The following ECD variants were observed in gnomAD, a reference collection of about 807,000 sequenced individuals.
The protein encoded by ECD is ecdysoneless cell cycle regulator.
ECD carries 59 observed loss-of-function variants against 77.2 expected under a neutral mutation model. That is an observed-to-expected ratio of 0.76 (90% CI 0.62 to 0.95). The LOEUF is 0.95. Among genes scored for constraint, ECD ranks in the 40% least tolerant of loss-of-function variants. The pLI, the probability that ECD is intolerant of heterozygous loss-of-function variation, is 0.00. For missense variants in ECD, 704 were observed against 763.4 expected (o/e 0.92, Z 0.92); for synonymous variants, 233 against 267.4 (o/e 0.87, Z 1.26).
At chr10:73,160,678 C>T (rs12260139) in intron 2 of ECD, 127 bp from the exon 3 acceptor site, 68,466 of 613,090 alleles carry the variant, frequency 0.11, 6,718 homozygotes, top group African/African-American at 0.34. Context: ...GCAGGGGTTG[C>T]AATCCTGAAG....
chr10:73,134,304 T>C lies in ECD; in HGVS notation c.*279A>G, dbSNP rs998761065. The C allele has an allele frequency of 6.0e-6, 2 of 335,278 alleles. No homozygotes were observed. Among genetic ancestry groups the C allele is most frequent in the African/African-American group, 4.1e-5 (2 of 48,242 alleles). 20.8% of individuals were successfully genotyped at this position (335,278 alleles called of 1,614,324 possible). A position where few individuals can be genotyped will look rare whatever the true frequency, so the allele number is the denominator to read the frequency against. On this transcript the variant is annotated 3_prime_UTR_variant, in exon 14 of 14. Transcript: ENST00000372979. The stretch of plus-strand genomic sequence containing the variant: ...ATTTAGAATTACTCCAAGGGTATAT[T>C]GTGGTAGGGTATGTCTTTAGCATGA...
chr10:73,160,102 C>T (rs1843355330), intron 3 of ECD, among the ~76,000 whole-genome samples: 1 of 151,412 alleles, frequency 6.6e-6, no homozygotes, highest in Non-Finnish European at 1.5e-5. Context: ...GCCTAGCCAA[C>T]ATGGTGAACC....
chr10:73,134,810 G>T lies in ECD; in HGVS notation c.1708C>A (p.Pro570Thr), dbSNP rs1196753331. Reference sequence around the variant, plus strand: ...TTGTTATCGGTAGTCTGGGATACAGGTTCCTTATTCATAGAGGGAAAAGAA... The same window carrying T: ...TTGTTATCGGTAGTCTGGGATACAGTTTCCTTATTCATAGAGGGAAAAGAA... ...KSFTTRNQVE[P>T]VSQTTDNNSD... Residue 570 changes from proline to threonine, a missense_variant, in exon 14 of 14, where the codon CCT becomes ACT. Pro to Thr is a conservative substitution (Grantham distance 38). Coordinates refer to ENST00000372979, the MANE Select transcript of ECD (RefSeq NM_007265.3). 1.2e-6 allele frequency: 2 copies of T among 1,613,712 alleles called. No individual in the cohort carries two copies. Among genetic ancestry groups the T allele is most frequent in the East Asian group, 2.2e-5 (1 of 44,856 alleles).
intron 11 of ECD, among the ~76,000 whole-genome samples, chr10:73,138,551 C>T (rs1189740280): frequency 6.6e-6 from 1 of 151,910 alleles, no homozygotes; most frequent in Non-Finnish European, 1.5e-5. Flanking sequence ...ATTTGATACA[C>T]AAGTAACAGT....
Position 73,134,673 on chromosome 10 carries a change from T to C in ECD, c.1845A>G (p.Ala615=), listed in dbSNP as rs1217724762. The change falls in exon 14 of 14, where the codon GCA becomes GCG. Residue 615 remains alanine (A), a synonymous_variant. Coordinates refer to ENST00000372979, the MANE Select transcript of ECD (RefSeq NM_007265.3). ...TTTGTAAAAGATTGGAAGCAGGTCC[T>C]GCCAGTCCAGCTTGGGAGCTATAGG... is the stretch of plus-strand genomic sequence containing the variant. ...LESYSSQAGL[A]GPASNLLQSM... 6.2e-7 allele frequency: 1 copy of C among 1,614,112 alleles called. No homozygotes were observed. The highest frequency in any genetic ancestry group is 1.7e-5 in the Admixed American group (1 of 60,006).
chr10:73,136,604 A>G, intron 13 of ECD, 100 bp downstream of exon 13: 1 of 1,082,768 alleles, frequency 9.2e-7, no homozygotes, highest in Non-Finnish European at 1.3e-6. Context: ...TATTTATTTC[A>G]AATCTCACAC....
chr10:73,137,817 T>C (rs1441335883), intron 12 of ECD, among the ~76,000 whole-genome samples, 186 bp downstream of exon 12: 5 of 151,634 alleles, frequency 3.3e-5, no homozygotes, highest in South Asian at 4.2e-4. Context: ...ACTATATATG[T>C]CAAACACTAA....
At chr10:73,135,357 T>C (rs1036033872) in intron 13 of ECD, among the ~76,000 whole-genome samples, 1 of 152,170 alleles carries the variant, frequency 6.6e-6, no homozygotes, top group African/African-American at 2.4e-5. Flanking sequence ...GATAGACTTT[T>C]ATGTCCTTGC....
At chr10:73,154,483 G>A (rs1843270328) in intron 5 of ECD, 35 bp from the exon 6 acceptor site, 5 of 1,551,510 alleles carry the variant, frequency 3.2e-6, no homozygotes, top group Non-Finnish European at 3.5e-6. Context: ...TCATTTTACA[G>A]TATATAAATA....
intron 9 of ECD, among the ~76,000 whole-genome samples, chr10:73,141,688 T>C (rs1843060547): frequency 2.0e-5 from 3 of 152,236 alleles, no homozygotes; most frequent in Non-Finnish European, 4.4e-5. Context: ...TATTCCAGAA[T>C]GATTTTTATT....
At chr10:73,145,287 C>T (rs1843108608) in intron 9 of ECD, among the ~76,000 whole-genome samples, 1 of 151,870 alleles carries the variant, frequency 6.6e-6, no homozygotes, top group Non-Finnish European at 1.5e-5. Flanking sequence ...TCACTTGAAC[C>T]CGGGAGGCAG....
rs1842951150 is a variant in ECD at position 73,134,120 on chromosome 10, C to T, written c.*463G>A. ...CTTGCTTCAGGTACATACATACATG[C>T]AAAAATTCACTGACTGTACACTTAA... is the stretch of plus-strand genomic sequence containing the variant. On this transcript the variant is annotated 3_prime_UTR_variant, in exon 14 of 14. Transcript: ENST00000372979. 1 of 156,776 alleles carries T rather than the reference C, an allele frequency of 6.4e-6. No homozygotes were observed. Among genetic ancestry groups the T allele is most frequent in the Non-Finnish European group, 1.4e-5 (1 of 70,592 alleles). The allele number at this position is 156,776 out of a possible 1,614,324, so 9.7% of individuals were successfully genotyped here. A position where few individuals can be genotyped will look rare whatever the true frequency, so the allele number is the denominator to read the frequency against.
At chr10:73,152,000 G>C (rs1380814892) in intron 7 of ECD, among the ~76,000 whole-genome samples, 1 of 151,294 alleles carries the variant, frequency 6.6e-6, no homozygotes, top group Non-Finnish European at 1.5e-5. Context: ...AAAGGTTCTT[G>C]GTTTTTTTTC....
chr10:73,163,939 C>T lies in ECD; in HGVS notation c.-2G>A, dbSNP rs1843416038. ...AGCAAGCTTCATGGTTTCTTCCATT[C>T]TTCTTTGAAAACTATGTTTAAAGTT... On this transcript the variant is annotated 5_prime_UTR_variant, in exon 2 of 14. Transcript: ENST00000372979. The T allele has an allele frequency of 1.2e-6, 2 of 1,613,200 alleles. No homozygotes were observed. Among genetic ancestry groups the T allele is most frequent in the African/African-American group, 2.7e-5 (2 of 74,446 alleles).
At chr10:73,165,969 C>T (rs543034781) in intron 1 of ECD, among the ~76,000 whole-genome samples, 1 of 152,226 alleles carries the variant, frequency 6.6e-6, no homozygotes, top group Non-Finnish European at 1.5e-5. Flanking sequence ...AAACCCTCTG[C>T]AACCCTTCCC....
chr10:73,134,977 T>A (rs1373335176), intron 13 of ECD, among the ~76,000 whole-genome samples, 164 bp from the exon 14 acceptor site: 1 of 152,174 alleles, frequency 6.6e-6, no homozygotes, highest in Non-Finnish European at 1.5e-5. Flanking sequence ...CTACAAGTTA[T>A]ATGGCCTAGC....
intron 3 of ECD, among the ~76,000 whole-genome samples, 172 bp from the exon 4 acceptor site, chr10:73,156,827 G>A (rs1022499782): frequency 2.6e-5 from 4 of 152,128 alleles, no homozygotes; most frequent in Non-Finnish European, 5.9e-5. Flanking sequence ...AGCACTGAAG[G>A]AGACTGTAAG....
intron 2 of ECD, 22 bp from the exon 3 acceptor site, chr10:73,160,573 C>T: frequency 6.5e-7 from 1 of 1,527,266 alleles, no homozygotes; most frequent in Non-Finnish European, 8.9e-7. Context: ...AGAAAAGCAA[C>T]CATGTAACCA....
At chr10:73,138,205 T>G (rs1843002900) in intron 11 of ECD, 135 bp from the exon 12 acceptor site, 1 of 628,540 alleles carries the variant, frequency 1.6e-6, no homozygotes, top group Admixed American at 4.1e-5. Context: ...AAGTTGTAGT[T>G]TAAGTTTTAA....
Sources: allele counts gnomAD v4.1 joint callset (sites outside exome capture counted in the v4.1 genomes callset), GRCh38; gene constraint gnomAD v4.1.1; transcripts MANE v1.5; gene names NCBI Gene and HGNC (gene_info 2026-07-23, HGNC 2026-07-21).